The following KCNMB4 variants were observed in gnomAD, a reference collection of about 807,000 sequenced individuals.
KCNMB4 encodes potassium calcium-activated channel subfamily M regulatory beta subunit 4, also known as calcium-activated potassium channel subunit beta-4.
KCNMB4 carries 3 observed loss-of-function variants against 20.7 expected under a neutral mutation model. The ratio of observed to expected loss-of-function variants is 0.14; its 90% CI spans 0.07 to 0.37. KCNMB4 has a LOEUF of 0.37. Among genes scored for constraint, KCNMB4 ranks in the 10% least tolerant of loss-of-function variants. The probability of loss-of-function intolerance (pLI) is 1.00; values close to 1 mark genes in which losing one functional copy is unlikely to be tolerated. For synonymous variants in KCNMB4, 110 were observed against 113.4 expected (o/e 0.97, Z 0.19); for missense variants, 168 against 265.9 (o/e 0.63, Z 2.56).
rs912358911 is a variant in KCNMB4 at position 70,400,112 on chromosome 12, A to T, written c.337-97A>T. On this transcript the variant is annotated intron_variant, in intron 1 of 2. Coordinates refer to ENST00000258111, the MANE Select transcript of KCNMB4 (RefSeq NM_014505.6). ...TAAAAATTAGGGAGGCCTAAATTAGATTTACTGTCTTTATAATGCCATCTT... is the reference window on the plus strand; with the variant it reads ...TAAAAATTAGGGAGGCCTAAATTAGTTTTACTGTCTTTATAATGCCATCTT... 4 of 964,842 alleles carry T rather than the reference A, an allele frequency of 4.1e-6. No individual in the cohort carries two copies. The Admixed American group carries it at 1.2e-4, about 28-fold the overall frequency. The allele number at this position is 964,842 out of a possible 1,614,324, so 59.8% of individuals were successfully genotyped here.
chr12:70,415,523 A>T (rs1238998216), intron 2 of KCNMB4, among the ~76,000 whole-genome samples: 1 of 152,212 alleles, frequency 6.6e-6, no homozygotes, highest in Non-Finnish European at 1.5e-5. Flanking sequence ...AAATCTAATT[A>T]ATAAGATTGC....
At chr12:70,422,680 A>G (rs1292900818) in intron 2 of KCNMB4, 1 of 1,286,660 alleles carries the variant, frequency 7.8e-7, no homozygotes, top group African/African-American at 1.5e-5. Context: ...AAAGACAGAA[A>G]GTCATAAGCA....
At position 70,432,667 on chromosome 12, in the gene KCNMB4, G is replaced by A. The variant is rs1041470792; in HGVS notation, c.*2014G>A. The A allele has an allele frequency of 6.6e-6, 1 of 152,186 alleles. No homozygotes were observed. The highest frequency in any genetic ancestry group is 6.5e-5 in the Admixed American group (1 of 15,288). The allele number at this position is 152,186 out of a possible 1,614,324, so 9.4% of individuals were successfully genotyped here. On this transcript the variant is annotated 3_prime_UTR_variant, in exon 3 of 3. Transcript: ENST00000258111. ...TATGACATCTTTTGAGGCAGCTCCAGTGCCTTGACTTCAATCCCAGTTTCC... is the reference window on the plus strand; with the variant it reads ...TATGACATCTTTTGAGGCAGCTCCAATGCCTTGACTTCAATCCCAGTTTCC...
intron 1 of KCNMB4, among the ~76,000 whole-genome samples, chr12:70,371,714 T>A (rs4761198): frequency 0.61 from 92,246 of 152,118 alleles, 29,562 homozygotes; most frequent in East Asian, 0.94. Flanking sequence ...GGCAAGAAAC[T>A]AGAGGGCATA....
intron 2 of KCNMB4, among the ~76,000 whole-genome samples, chr12:70,413,001 G>A (rs550866737): frequency 9.9e-5 from 15 of 152,098 alleles, no homozygotes; most frequent in African/African-American, 2.4e-4. Flanking sequence ...GAATCTTACC[G>A]AAACCAAGTA....
At chr12:70,381,426 A>G (rs931464537) in intron 1 of KCNMB4, among the ~76,000 whole-genome samples, 2 of 152,230 alleles carry the variant, frequency 1.3e-5, no homozygotes, top group African/African-American at 2.4e-5. Context: ...AACTTTGTAC[A>G]TGACTCTTCA....
chr12:70,421,507 T>C (rs1028677454), intron 2 of KCNMB4, among the ~76,000 whole-genome samples: 1 of 143,348 alleles, frequency 7.0e-6, no homozygotes, highest in African/African-American at 2.6e-5. Context: ...TTCCCATACA[T>C]ACCCTCATTT....
chr12:70,403,085 G>A lies in KCNMB4; in HGVS notation c.464+2749G>A, dbSNP rs1435687127. Among the ~76,000 whole-genome samples the A allele has an allele frequency of 2.6e-5, 4 of 152,300 alleles. No homozygotes were observed. In the East Asian group the frequency reaches 7.7e-4, roughly 29 times the overall value. On this transcript the variant is annotated intron_variant, in intron 2 of 2. Coordinates refer to ENST00000258111, the MANE Select transcript of KCNMB4 (RefSeq NM_014505.6). ...ACTTGGAGACGGGGTATACCCCTGA[G>A]TAGATTTGGGAAGGAAGAAGAAAGG...
At chr12:70,373,432 C>T (rs115617906) in intron 1 of KCNMB4, among the ~76,000 whole-genome samples, 4 of 152,052 alleles carry the variant, frequency 2.6e-5, no homozygotes, top group African/African-American at 9.7e-5. Context: ...GAGGGCCATG[C>T]GCCAAAAAAA....
At position 70,433,438 on chromosome 12, in the gene KCNMB4, C is replaced by T. The variant is rs1869419100; in HGVS notation, c.*2785C>T. 1 of 152,106 alleles carries T rather than the reference C, an allele frequency of 6.6e-6. No individual in the cohort carries two copies. The highest frequency in any genetic ancestry group is 6.5e-5 in the Admixed American group (1 of 15,278). 9.4% of individuals were successfully genotyped at this position (152,106 alleles called of 1,614,324 possible). On this transcript the variant is annotated 3_prime_UTR_variant, in exon 3 of 3. Coordinates refer to ENST00000258111, the MANE Select transcript of KCNMB4 (RefSeq NM_014505.6). Reference sequence around the variant, plus strand: ...TCAAAGCTGGCTCAAGACTTCCTAGCCTGTGAAAAAAGAAGAAGGTGGAGC... The same window carrying T: ...TCAAAGCTGGCTCAAGACTTCCTAGTCTGTGAAAAAAGAAGAAGGTGGAGC...
intron 2 of KCNMB4, among the ~76,000 whole-genome samples, chr12:70,414,857 C>T (rs1000465527): frequency 1.3e-5 from 2 of 152,064 alleles, no homozygotes. Context: ...TGCTTTTGAC[C>T]GATTGTTCCA....
intron 1 of KCNMB4, among the ~76,000 whole-genome samples, chr12:70,375,285 T>G (rs752456110): frequency 6.6e-6 from 1 of 151,986 alleles, no homozygotes; most frequent in Non-Finnish European, 1.5e-5. Context: ...AACCGGTGGT[T>G]TTCAAAGTAT....
At chr12:70,374,601 GTTTA>G (rs1812244931) in intron 1 of KCNMB4, among the ~76,000 whole-genome samples, 1 of 151,972 alleles carries the variant, frequency 6.6e-6, no homozygotes, top group South Asian at 2.1e-4. Context: ...AAATCATTGT[GTTTA>G]TTAAGTTATT....
chr12:70,407,944 C>T (rs1241952729), intron 2 of KCNMB4, among the ~76,000 whole-genome samples: 3 of 152,194 alleles, frequency 2.0e-5, no homozygotes, highest in South Asian at 2.1e-4. Context: ...AAGGGTTTTA[C>T]AAGTTCTGTG....
chr12:70,391,485 C>A (rs1055710260), intron 1 of KCNMB4, among the ~76,000 whole-genome samples: 13 of 152,008 alleles, frequency 8.6e-5, no homozygotes, highest in Non-Finnish European at 1.5e-5. Flanking sequence ...AAAATATGTT[C>A]TGTAGACAGA....
chr12:70,409,893 AG>A (rs370895027), intron 2 of KCNMB4, among the ~76,000 whole-genome samples: 116 of 152,336 alleles, frequency 7.6e-4, no homozygotes, highest in African/African-American at 2.6e-3. Flanking sequence ...AGAACTATAC[AG>A]GGCTTAGATT....
intron 2 of KCNMB4, among the ~76,000 whole-genome samples, chr12:70,415,147 A>G (rs574526497): frequency 6.6e-6 from 1 of 152,316 alleles, no homozygotes; most frequent in African/African-American, 2.4e-5. Context: ...ACACCCCTAC[A>G]AGGCATTATT....
At chr12:70,425,236 ACCAT>A (rs1869179154) in intron 2 of KCNMB4, among the ~76,000 whole-genome samples, 1 of 152,100 alleles carries the variant, frequency 6.6e-6, no homozygotes, top group African/African-American at 2.4e-5. Context: ...GGAGATCAAG[ACCAT>A]CCTGGCTAAC....
chr12:70,422,841 C>T (rs1469029998), intron 2 of KCNMB4: 4 of 1,238,768 alleles, frequency 3.2e-6, no homozygotes, highest in Non-Finnish European at 2.1e-6. Context: ...AAAATAATTA[C>T]CACACAGTGT....
Sources: gnomAD v4.1 joint callset for allele counts (sites outside exome capture counted in the v4.1 genomes callset) on GRCh38, gnomAD v4.1.1 for gene constraint, MANE v1.5 for transcripts, NCBI Gene and HGNC (gene_info 2026-07-23, HGNC 2026-07-21) for gene names.